CIB4: variants seen among roughly 807,000 people sequenced by gnomAD.
The protein encoded by CIB4 is calcium and integrin-binding family member 4.
In CIB4, 25 loss-of-function variants were observed where a neutral mutation model predicts 25.8. The ratio of observed to expected loss-of-function variants is 0.97; its 90% confidence interval spans 0.71 to 1.35. CIB4 has a LOEUF of 1.35. CIB4 is among the 40% of genes most tolerant of loss of function. The probability of loss-of-function intolerance (pLI) is 0.00; values close to 1 mark genes in which losing one functional copy is unlikely to be tolerated. For synonymous variants in CIB4, 75 were observed against 81.4 expected (o/e 0.92, Z 0.42); for missense variants, 235 against 228.2 (o/e 1.03, Z -0.19).
chr2:26,640,521 G>T lies in CIB4; in HGVS notation c.89+12C>A. The T allele has an allele frequency of 1.9e-6, 3 of 1,613,028 alleles. No individual in the cohort carries two copies. The highest frequency in any genetic ancestry group is 2.5e-6 in the Non-Finnish European group (3 of 1,179,450). ...GCTGGGAGAAGGAAAGAGGGGCGGG[G>T]CTTCTACTCACCACAGAATTTCATT... On this transcript the variant is annotated intron_variant, in intron 2 of 6. Transcript: ENST00000288861.
At chr2:26,626,380 T>C (rs1390498843) in intron 3 of CIB4, among the ~76,000 whole-genome samples, 1 of 76,164 alleles carries the variant, frequency 1.3e-5, no homozygotes, top group Admixed American at 1.5e-4. Context: ...GAAACCCAAG[T>C]AGAAAAAAAA....
chr2:26,603,360 C>T (rs1055419968), intron 3 of CIB4, among the ~76,000 whole-genome samples: 5 of 152,194 alleles, frequency 3.3e-5, no homozygotes, highest in Admixed American at 2.0e-4. Flanking sequence ...ACAATGCAAG[C>T]ACTAATTTTT....
intron 6 of CIB4, 133 bp downstream of exon 6, chr2:26,582,692 A>C (rs1253054161): frequency 1.8e-6 from 1 of 548,228 alleles, no homozygotes; most frequent in East Asian, 2.8e-5. Context: ...CTCTGAAAGA[A>C]TCTGCAAAGT....
intron 2 of CIB4, among the ~76,000 whole-genome samples, chr2:26,634,773 C>CAG (rs1362879795): frequency 1.3e-5 from 2 of 152,216 alleles, no homozygotes; most frequent in East Asian, 3.8e-4. Flanking sequence ...TTGGAACCTC[C>CAG]AGAGGTTCTA....
intron 1 of CIB4, 130 bp from the exon 2 acceptor site, chr2:26,640,697 G>C: frequency 1.1e-6 from 1 of 938,366 alleles, no homozygotes; most frequent in Non-Finnish European, 1.6e-6. Context: ...GGAACCCCAG[G>C]TTGAGGTGGA....
At chr2:26,595,801 G>A (rs1370832472) in intron 3 of CIB4, among the ~76,000 whole-genome samples, 1 of 152,214 alleles carries the variant, frequency 6.6e-6, no homozygotes, top group East Asian at 1.9e-4. Context: ...TTTTCCCTGG[G>A]GACCTCCCCT....
intron 4 of CIB4, among the ~76,000 whole-genome samples, chr2:26,594,527 C>T (rs1668643407): frequency 6.6e-6 from 1 of 152,136 alleles, no homozygotes; most frequent in Non-Finnish European, 1.5e-5. Context: ...TCCTTTGGGG[C>T]CAAAAAGTTA....
chr2:26,593,844 C>A (rs1668632313), intron 4 of CIB4, among the ~76,000 whole-genome samples: 1 of 152,170 alleles, frequency 6.6e-6, no homozygotes, highest in Non-Finnish European at 1.5e-5. Context: ...TGAGTTTGCC[C>A]TCGTGTATGT....
chr2:26,608,932 T>C (rs1668945664), intron 3 of CIB4, among the ~76,000 whole-genome samples: 1 of 152,148 alleles, frequency 6.6e-6, no homozygotes, highest in Non-Finnish European at 1.5e-5. Flanking sequence ...AGATGAGCTG[T>C]CTCTCCTGCA....
chr2:26,638,995 G>C (rs902066289), intron 2 of CIB4, among the ~76,000 whole-genome samples: 1 of 151,698 alleles, frequency 6.6e-6, no homozygotes, highest in Non-Finnish European at 1.5e-5. Flanking sequence ...GTACAGAACA[G>C]TATGAAGGGA....
chr2:26,615,403 C>T (rs1317224662), intron 3 of CIB4, among the ~76,000 whole-genome samples: 2 of 152,148 alleles, frequency 1.3e-5, no homozygotes, highest in Non-Finnish European at 2.9e-5. Context: ...TCCCAGGATG[C>T]CCTGGGAGAG....
chr2:26,591,140 T>C (rs1329620512), intron 4 of CIB4, among the ~76,000 whole-genome samples: 2 of 152,356 alleles, frequency 1.3e-5, no homozygotes, highest in East Asian at 1.9e-4. Flanking sequence ...GCCTACGCTC[T>C]ACCGTCTCTG....
At chr2:26,587,763 T>C (rs916299779) in intron 4 of CIB4, among the ~76,000 whole-genome samples, 3 of 152,226 alleles carry the variant, frequency 2.0e-5, no homozygotes, top group South Asian at 2.1e-4. Flanking sequence ...CAATTCTACA[T>C]CACTTGATTG....
intron 4 of CIB4, among the ~76,000 whole-genome samples, chr2:26,591,810 G>T (rs1392151318): frequency 6.6e-6 from 1 of 152,248 alleles, no homozygotes; most frequent in Non-Finnish European, 1.5e-5. Context: ...AGAGGCCCAT[G>T]TGTCCAGGAG....
intron 3 of CIB4, among the ~76,000 whole-genome samples, chr2:26,611,831 A>G (rs1669000426): frequency 6.6e-6 from 1 of 152,250 alleles, no homozygotes; most frequent in Non-Finnish European, 1.5e-5. Flanking sequence ...TGTAGCAACA[A>G]GAAAAAGCAT....
chr2:26,621,236 G>A (rs1188233666), intron 3 of CIB4, among the ~76,000 whole-genome samples: 1 of 111,254 alleles, frequency 9.0e-6, no homozygotes, highest in Non-Finnish European at 1.7e-5. Context: ...AAAGAGAAGA[G>A]TCTACAAGTT....
intron 4 of CIB4, among the ~76,000 whole-genome samples, chr2:26,594,876 A>G (rs190024297): frequency 9.8e-4 from 149 of 152,300 alleles, no homozygotes; most frequent in African/African-American, 3.5e-3. Context: ...TAAATCCTTT[A>G]CATGCATATG....
At chr2:26,589,101 CTTCTT>C (rs1668530050) in intron 4 of CIB4, among the ~76,000 whole-genome samples, 1 of 117,110 alleles carries the variant, frequency 8.5e-6, no homozygotes, top group Non-Finnish European at 1.7e-5. Context: ...TCTTCTTCTT[CTTCTT>C]CCTCTTCTTC....
chr2:26,631,322 A>C (rs1432557184), intron 2 of CIB4, among the ~76,000 whole-genome samples: 3 of 152,170 alleles, frequency 2.0e-5, no homozygotes, highest in Non-Finnish European at 4.4e-5. Flanking sequence ...AAAAAAATTG[A>C]AAATTAGCCA....
Sources: gnomAD v4.1 joint callset for allele counts (sites outside exome capture counted in the v4.1 genomes callset) on GRCh38, gnomAD v4.1.1 for gene constraint, MANE v1.5 for transcripts, NCBI Gene and HGNC (gene_info 2026-07-23, HGNC 2026-07-21) for gene names.